The following RPS6KC1 variants were observed in gnomAD, a reference collection of about 807,000 sequenced individuals.
The protein encoded by RPS6KC1 is inactive ribosomal protein S6 kinase delta-1.
Under a neutral mutation model 103.8 loss-of-function variants are expected in RPS6KC1, and 54 were observed. That is an observed-to-expected ratio of 0.52 (90% CI 0.42 to 0.65). RPS6KC1 has a LOEUF of 0.65. Among genes scored for constraint, RPS6KC1 ranks in the 30% least tolerant of loss-of-function variants. The pLI, the probability that RPS6KC1 is intolerant of heterozygous loss-of-function variation, is 0.00. For synonymous variants in RPS6KC1, 439 were observed against 438.7 expected (o/e 1.00, Z -0.01); for missense variants, 1,151 against 1,253.8 (o/e 0.92, Z 1.24).
At chr1:213,854,565 T>TTTCTTTCTTC in the RPS6KC1 span, among the ~76,000 whole-genome samples, 1 of 62,736 alleles carries the variant, frequency 1.6e-5, no homozygotes, top group African/African-American at 5.4e-5. Context: ...TCTTTCTTTC[T>TTTCTTTCTTC]CTCTCTCTCT....
At chr1:213,632,079 T>C in the RPS6KC1 span, among the ~76,000 whole-genome samples, 9 of 152,234 alleles carry the variant, frequency 5.9e-5, no homozygotes, top group Middle Eastern at 3.2e-3. Flanking sequence ...TGTTCCATAA[T>C]ATCAAGAGGT....
the RPS6KC1 span, among the ~76,000 whole-genome samples, chr1:213,757,899 C>T: frequency 6.6e-6 from 1 of 152,180 alleles, no homozygotes; most frequent in Admixed American, 6.5e-5. Context: ...GCTAAATATA[C>T]TCTGCTTGTG....
chr1:213,411,702 G>A, the RPS6KC1 span, among the ~76,000 whole-genome samples: 1 of 152,206 alleles, frequency 6.6e-6, no homozygotes, highest in Non-Finnish European at 1.5e-5. Flanking sequence ...AGTGCTGTGG[G>A]CTATCAGGCT....
At chr1:213,836,710 A>G in the RPS6KC1 span, among the ~76,000 whole-genome samples, 2 of 152,224 alleles carry the variant, frequency 1.3e-5, no homozygotes, top group African/African-American at 2.4e-5. Context: ...CTATTGCCAT[A>G]TGTGACTCAC....
At chr1:213,549,750 C>T in the RPS6KC1 span, among the ~76,000 whole-genome samples, 1 of 151,746 alleles carries the variant, frequency 6.6e-6, no homozygotes, top group Non-Finnish European at 1.5e-5. Flanking sequence ...CAGTTACTCC[C>T]TAAACCTCAG....
At chr1:213,218,029 TCAGG>T (rs758257227) in intron 8 of RPS6KC1, among the ~76,000 whole-genome samples, 1 of 152,130 alleles carries the variant, frequency 6.6e-6, no homozygotes, top group Non-Finnish European at 1.5e-5. Flanking sequence ...GCCAAGGCAA[TCAGG>T]CAGGAGAAGG....
the RPS6KC1 span, among the ~76,000 whole-genome samples, chr1:213,610,763 T>C: frequency 1.3e-5 from 2 of 152,160 alleles, no homozygotes; most frequent in Non-Finnish European, 2.9e-5. Flanking sequence ...ATGTGAGCAA[T>C]TCAGGTAGGA....
the RPS6KC1 span, among the ~76,000 whole-genome samples, chr1:213,387,463 A>G: frequency 1.3e-5 from 2 of 152,210 alleles, no homozygotes; most frequent in Admixed American, 6.5e-5. Flanking sequence ...TGCACATCCA[A>G]CTTGTCCCAT....
chr1:213,694,573 G>T, the RPS6KC1 span, among the ~76,000 whole-genome samples: 1 of 152,142 alleles, frequency 6.6e-6, no homozygotes, highest in African/African-American at 2.4e-5. Context: ...TGATGCTGGG[G>T]TCCTCTCTGC....
chr1:213,559,806 T>A, the RPS6KC1 span, among the ~76,000 whole-genome samples: 8 of 152,324 alleles, frequency 5.3e-5, no homozygotes, highest in East Asian at 1.5e-3. Context: ...TTAATTTTAA[T>A]AATATATTTT....
At chr1:213,772,790 A>G in the RPS6KC1 span, among the ~76,000 whole-genome samples, 1 of 152,158 alleles carries the variant, frequency 6.6e-6, no homozygotes, top group Admixed American at 6.5e-5. Context: ...ATTTACTAGA[A>G]GTCAATAGCA....
chr1:213,783,482 C>G, the RPS6KC1 span, among the ~76,000 whole-genome samples: 7 of 152,126 alleles, frequency 4.6e-5, no homozygotes, highest in Admixed American at 1.3e-4. Flanking sequence ...TTGCCTCCCC[C>G]CCTCAGATCT....
chr1:213,360,364 G>A, the RPS6KC1 span, among the ~76,000 whole-genome samples: 2 of 152,122 alleles, frequency 1.3e-5, no homozygotes, highest in African/African-American at 2.4e-5. Flanking sequence ...ACTGAAGCTT[G>A]TGCATTTGTC....
At chr1:213,538,951 G>A in the RPS6KC1 span, among the ~76,000 whole-genome samples, 1 of 152,160 alleles carries the variant, frequency 6.6e-6, no homozygotes, top group African/African-American at 2.4e-5. Flanking sequence ...ATGGAGCCAG[G>A]ACAGATATTA....
the RPS6KC1 span, among the ~76,000 whole-genome samples, chr1:213,707,608 G>A: frequency 6.6e-6 from 1 of 152,162 alleles, no homozygotes; most frequent in Admixed American, 6.5e-5. Flanking sequence ...TAGTCATGAA[G>A]TCTTTGCCCA....
intron 2 of RPS6KC1, among the ~76,000 whole-genome samples, chr1:213,075,554 C>A (rs2079259495): frequency 6.6e-6 from 1 of 152,282 alleles, no homozygotes; most frequent in Non-Finnish European, 1.5e-5. Context: ...CAGCTCCAAG[C>A]AGCTCCCTCA....
intron 12 of RPS6KC1, among the ~76,000 whole-genome samples, chr1:213,255,166 G>T (rs2094613324): frequency 6.6e-6 from 1 of 151,798 alleles, no homozygotes; most frequent in Non-Finnish European, 1.5e-5. Context: ...AATTAGCCAA[G>T]TGTGGTCCCA....
At chr1:213,698,624 C>T in the RPS6KC1 span, among the ~76,000 whole-genome samples, 1 of 152,084 alleles carries the variant, frequency 6.6e-6, no homozygotes, top group East Asian at 1.9e-4. Context: ...GATCAGATTT[C>T]TCTGGCAACC....
the RPS6KC1 span, among the ~76,000 whole-genome samples, chr1:213,668,558 A>AT: frequency 6.6e-6 from 1 of 151,958 alleles, no homozygotes; most frequent in South Asian, 2.1e-4. Context: ...GGGCCCTAGG[A>AT]TTTTCAGAAC....
Sources: allele counts gnomAD v4.1 joint callset (sites outside exome capture counted in the v4.1 genomes callset), GRCh38; gene constraint gnomAD v4.1.1; transcripts MANE v1.5; gene names NCBI Gene and HGNC (gene_info 2026-07-23, HGNC 2026-07-21).